The following CC2D1A variants were observed in gnomAD, a reference collection of about 807,000 sequenced individuals.
CC2D1A encodes the protein coiled-coil and C2 domain-containing protein 1A.
A neutral mutation model predicts 123.8 loss-of-function variants in CC2D1A; 68 were observed. The ratio of observed to expected loss-of-function variants is 0.55; its 90% CI spans 0.45 to 0.67. The LOEUF (loss-of-function observed/expected upper bound fraction) is 0.67. Among genes scored for constraint, CC2D1A ranks in the 30% least tolerant of loss-of-function variants. The probability of loss-of-function intolerance (pLI) is 0.00; values close to 1 mark genes in which losing one functional copy is unlikely to be tolerated. For synonymous variants in CC2D1A, 477 were observed against 528.0 expected (o/e 0.90, Z 1.32); for missense variants, 1,185 against 1,290.3 (o/e 0.92, Z 1.25).
Position 13,906,497 on chromosome 19 carries a change from G to T in CC2D1A, c.56G>T (p.Arg19Leu), listed in dbSNP as rs759096818. The change falls in exon 1 of 29, where the codon CGC becomes CTC. Residue 19 changes from arginine to leucine, a missense_variant. Physicochemically the swap from Arg to Leu is moderately radical, Grantham distance 102 (BLOSUM62 -2). Transcript: ENST00000318003. This position sits in a 1 kb window ranked among gnomAD's most constrained non-coding sequence, Gnocchi z 4.1. ...GPPGRGAAAA[R>L]QLGLLVDLSP... ...CCGGGCAGAGGCGCCGCGGCCGCCC[G>T]CCAGGTGAGTTTGCGCCCCACGGCC... 1.3e-6 allele frequency: 2 copies of T among 1,490,008 alleles called. No individual in the cohort carries two copies. Among genetic ancestry groups the T allele is most frequent in the South Asian group, 2.5e-5 (2 of 79,178 alleles). The allele number at this position is 1,490,008 out of a possible 1,614,324, so 92.3% of individuals were successfully genotyped here. A position where few individuals can be genotyped will look rare whatever the true frequency, so the allele number is the denominator to read the frequency against.
intron 17 of CC2D1A, 46 bp from the exon 18 acceptor site, chr19:13,926,471 C>A (rs2145365639): frequency 6.3e-7 from 1 of 1,576,566 alleles, no homozygotes; most frequent in South Asian, 1.1e-5. Context: ...GACTGAGGTG[C>A]CTCTGTTTCC....
intron 6 of CC2D1A, among the ~76,000 whole-genome samples, chr19:13,917,568 A>ACCCCGTCTCTAC (rs1971249169): frequency 6.6e-6 from 1 of 152,082 alleles, no homozygotes; most frequent in South Asian, 2.1e-4. Context: ...ACATGGTGAA[A>ACCCCGTCTCTAC]CCCCGTCTCT....
chr19:13,916,950 A>C (rs1971227955), intron 6 of CC2D1A, among the ~76,000 whole-genome samples: 1 of 152,230 alleles, frequency 6.6e-6, no homozygotes, highest in African/African-American at 2.4e-5. Flanking sequence ...ATATTATTTG[A>C]AACTGTAACT....
chr19:13,913,638 G>A lies in CC2D1A; in HGVS notation c.748G>A (p.Gly250Ser). The change falls in exon 6 of 29, where the codon GGT becomes AGT. Residue 250 changes from glycine to serine, a missense_variant and splice_region_variant. By Grantham distance (56) the Gly-to-Ser change is moderately conservative. Transcript: ENST00000318003. ...CTTGGCTAAGCCCCAGATGCCCCCAGGTAGGTGATGGGCAGGGCCGGGCTG... is the reference window on the plus strand; with the variant it reads ...CTTGGCTAAGCCCCAGATGCCCCCAAGTAGGTGATGGGCAGGGCCGGGCTG... The part of the protein sequence containing the change: ...PGLAKPQMPP[G>S]PCSPGPLAQL... 1.3e-6 allele frequency: 2 copies of A among 1,599,128 alleles called. No homozygotes were observed. The highest frequency in any genetic ancestry group is 1.7e-6 in the Non-Finnish European group (2 of 1,170,916).
Position 13,926,548 on chromosome 19 carries a change from C to G in CC2D1A, c.1972C>G (p.Leu658Val), listed in dbSNP as rs145909367. 1.1e-5 allele frequency: 18 copies of G among 1,614,178 alleles called. No homozygotes were observed. The highest frequency in any genetic ancestry group is 1.6e-4 in the Middle Eastern group (1 of 6,062). Residue 658 changes from leucine to valine, a missense_variant, in exon 18 of 29, where the codon CTC becomes GTC. Transcript: ENST00000318003. ...IFPDLSSNDM[L>V]LFIVKGINLP... ...CCCTGACCTCAGCAGCAACGACATG[C>G]TCCTCTTCATCGTGAAGGGCATCAA...
At position 13,913,265 on chromosome 19, in the gene CC2D1A, A is replaced by G; in HGVS notation, c.476A>G (p.Asp159Gly). 6.2e-7 allele frequency: 1 copy of G among 1,613,732 alleles called. No homozygotes were observed. The highest frequency in any genetic ancestry group is 1.3e-5 in the African/African-American group (1 of 75,066). Residue 159 changes from aspartate (D) to glycine (G), a missense_variant, in exon 5 of 29, where the codon GAC becomes GGC. By Grantham distance (94) the Asp-to-Gly change is moderately conservative. Coordinates refer to ENST00000318003, the MANE Select transcript of CC2D1A (RefSeq NM_017721.5). ...TAIESARQAG[D>G]SAKMRRYDRG... ...ATTGAAAGCGCCAGACAAGCTGGAG[A>G]CAGCGCCAAGATGCGGCGCTACGAT...
chr19:13,906,576 C>T lies in CC2D1A; in HGVS notation c.60+75C>T. ...CACTCGCTCAGGGAAGGGCCCCACC[C>T]CCCAGGGAAGCCCGATCTCCGCCCC... On this transcript the variant is annotated intron_variant, in intron 1 of 28. Coordinates refer to ENST00000318003, the MANE Select transcript of CC2D1A (RefSeq NM_017721.5). This position sits in a 1 kb window ranked among gnomAD's most constrained non-coding sequence, Gnocchi z 4.1. The T allele has an allele frequency of 1.0e-6, 1 of 989,938 alleles. No individual in the cohort carries two copies. Among genetic ancestry groups the T allele is most frequent in the Non-Finnish European group, 1.4e-6 (1 of 717,816 alleles). 61.3% of individuals were successfully genotyped at this position (989,938 alleles called of 1,614,324 possible). A position where few individuals can be genotyped will look rare whatever the true frequency, so the allele number is the denominator to read the frequency against.
At chr19:13,920,285 A>T in intron 12 of CC2D1A, 1 of 519,380 alleles carries the variant, frequency 1.9e-6, no homozygotes, top group Admixed American at 3.9e-5. Flanking sequence ...GTGTTTGGTG[A>T]GAATTGCTTG....
Position 13,923,332 on chromosome 19 carries a change from G to C in CC2D1A, c.1642-1G>C. On this transcript the variant is annotated splice_acceptor_variant, in intron 14 of 28. Transcript: ENST00000318003. LOFTEE classifies it high-confidence loss of function. The surrounding 1 kb of genome is among the most constrained non-coding windows in gnomAD (Gnocchi z 5.3). Reference sequence around the variant, plus strand: ...CCCGCCACCAGCCTCGTCCTCCCCAGGTGCCGCCTGCCCCTGTCAACAAGG... The same window carrying C: ...CCCGCCACCAGCCTCGTCCTCCCCACGTGCCGCCTGCCCCTGTCAACAAGG... The C allele has an allele frequency of 6.2e-7, 1 of 1,604,594 alleles. No homozygotes were observed. The highest frequency in any genetic ancestry group is 8.5e-7 in the Non-Finnish European group (1 of 1,178,916).
chr19:13,927,813 T>C lies in CC2D1A; in HGVS notation c.2317-80T>C, dbSNP rs1330789226. 9.5e-6 allele frequency: 13 copies of C among 1,362,332 alleles called. No homozygotes were observed. In the East Asian group the frequency reaches 2.6e-4, roughly 27 times the overall value. The allele number at this position is 1,362,332 out of a possible 1,614,324, so 84.4% of individuals were successfully genotyped here. On this transcript the variant is annotated intron_variant, in intron 22 of 28. Coordinates refer to ENST00000318003, the MANE Select transcript of CC2D1A (RefSeq NM_017721.5). ...AAAAAAAACCAAAAAAAAAAACCAG[T>C]CTTGTTCTCCCTTGTCCTGGCCCTG... is the stretch of plus-strand genomic sequence containing the variant.
rs755789590 is a variant in CC2D1A, at chr19:13,912,423, T to A, written c.297T>A (p.Ala99=). The change falls in exon 3 of 29, where the codon GCT becomes GCA. Residue 99 remains alanine (A), a synonymous_variant. Coordinates refer to ENST00000318003, the MANE Select transcript of CC2D1A (RefSeq NM_017721.5). ...EEGTDEDDLE[A]DDDLLAELNE... is the part of the protein sequence containing the mutation. ...GGACGGATGAGGACGACTTGGAGGCTGATGATGACCTGCTGGTGAGCACTG... is the reference window on the plus strand; with the variant it reads ...GGACGGATGAGGACGACTTGGAGGCAGATGATGACCTGCTGGTGAGCACTG... 4.3e-6 allele frequency: 7 copies of A among 1,613,778 alleles called. No individual in the cohort carries two copies. The highest frequency in any genetic ancestry group is 5.9e-6 in the Non-Finnish European group (7 of 1,179,890).
intron 18 of CC2D1A, 35 bp downstream of exon 18, chr19:13,926,625 G>C (rs1971650970): frequency 6.2e-7 from 1 of 1,613,986 alleles, no homozygotes. Context: ...AGGGTCATGG[G>C]GACCCCCTCT....
rs1316704840 is a variant in CC2D1A at position 13,913,636 on chromosome 19, C to T, written c.746C>T (p.Pro249Leu). 6.2e-7 allele frequency: 1 copy of T among 1,601,144 alleles called. No individual in the cohort carries two copies. Among genetic ancestry groups the T allele is most frequent in the Non-Finnish European group, 8.5e-7 (1 of 1,172,090 alleles). ...SPGLAKPQMP[P>L]GPCSPGPLAQ... ...GGCTTGGCTAAGCCCCAGATGCCCCCAGGTAGGTGATGGGCAGGGCCGGGC... is the reference window on the plus strand; with the variant it reads ...GGCTTGGCTAAGCCCCAGATGCCCCTAGGTAGGTGATGGGCAGGGCCGGGC... Residue 249 changes from proline to leucine, a missense_variant and splice_region_variant, in exon 6 of 29, where the codon CCA (proline) becomes CTA (leucine). By Grantham distance (98) the Pro-to-Leu change is moderately conservative (BLOSUM62 -3). Transcript: ENST00000318003.
At chr19:13,914,687 G>C (rs1200479421) in intron 6 of CC2D1A, among the ~76,000 whole-genome samples, 2 of 150,978 alleles carry the variant, frequency 1.3e-5, no homozygotes, top group African/African-American at 4.9e-5. Flanking sequence ...GCCCAGGCTG[G>C]AGTGCAGTAG....
intron 6 of CC2D1A, among the ~76,000 whole-genome samples, chr19:13,917,209 C>G (rs1971236274): frequency 6.6e-6 from 1 of 152,138 alleles, no homozygotes; most frequent in Non-Finnish European, 1.5e-5. Context: ...GTGGCACATG[C>G]CTGTAATCTC....
intron 17 of CC2D1A, among the ~76,000 whole-genome samples, chr19:13,924,723 TTC>T: frequency 6.6e-6 from 1 of 152,294 alleles, no homozygotes; most frequent in East Asian, 1.9e-4. Flanking sequence ...CCTCCCAAAA[TTC>T]TGGGGTTACA....
chr19:13,906,469 C>T lies in CC2D1A; in HGVS notation c.28C>T (p.Pro10Ser), dbSNP rs779383118. 2.6e-6 allele frequency: 4 copies of T among 1,515,580 alleles called. No homozygotes were observed. The highest frequency in any genetic ancestry group is 1.2e-5 in the South Asian group (1 of 81,544). 93.9% of individuals were successfully genotyped at this position (1,515,580 alleles called of 1,614,324 possible). A position where few individuals can be genotyped will look rare whatever the true frequency, so the allele number is the denominator to read the frequency against. Residue 10 changes from proline (P) to serine (S), a missense_variant, in exon 1 of 29, where the codon CCC becomes TCC. Coordinates refer to ENST00000318003, the MANE Select transcript of CC2D1A (RefSeq NM_017721.5). This position sits in a 1 kb window ranked among gnomAD's most constrained non-coding sequence, Gnocchi z 4.1. MHKRKGPPG[P>S]PGRGAAAARQ... ...GCACAAGAGGAAAGGACCCCCGGGA[C>T]CCCCGGGCAGAGGCGCCGCGGCCGC...
chr19:13,926,014 AC>A (rs1971608903), intron 17 of CC2D1A, among the ~76,000 whole-genome samples: 1 of 126,598 alleles, frequency 7.9e-6, no homozygotes, highest in Non-Finnish European at 1.5e-5. Flanking sequence ...ATATATATAT[AC>A]GTATATATAT....
chr19:13,930,484 A>T lies in CC2D1A; in HGVS notation c.*89A>T. 7.1e-7 allele frequency: 1 copy of T among 1,408,946 alleles called. No individual in the cohort carries two copies. The highest frequency in any genetic ancestry group is 9.5e-7 in the Non-Finnish European group (1 of 1,053,196). 87.3% of individuals were successfully genotyped at this position (1,408,946 alleles called of 1,614,324 possible). ...ACACAGCCACGAACCAGACAAGCAG[A>T]CAATCAGCGGACAATCGGTTCTGGA... On this transcript the variant is annotated 3_prime_UTR_variant, in exon 29 of 29. Transcript: ENST00000318003. This position sits in a 1 kb window ranked among gnomAD's most constrained non-coding sequence, Gnocchi z 6.8.
Sources: allele counts gnomAD v4.1 joint callset (sites outside exome capture counted in the v4.1 genomes callset), GRCh38; gene constraint gnomAD v4.1.1; non-coding constraint Gnocchi (gnomAD v3.1); transcripts MANE v1.5; gene names NCBI Gene and HGNC (gene_info 2026-07-23, HGNC 2026-07-21).